PKIB: variants seen among roughly 807,000 people sequenced by gnomAD.
PKIB encodes cAMP-dependent protein kinase inhibitor beta, also known as PKI-beta.
PKIB carries 2 observed loss-of-function variants against 4.5 expected under a neutral mutation model. That is an observed-to-expected ratio of 0.44 (90% CI 0.18 to 1.39). PKIB has a LOEUF of 1.39. Among genes scored for constraint, PKIB ranks in the 40% most tolerant of loss-of-function variants. The pLI, the probability that PKIB is intolerant of heterozygous loss-of-function variation, is 0.27. For missense variants in PKIB, 94 were observed against 92.6 expected, an observed-to-expected ratio of 1.02 and a Z score of -0.06; for synonymous variants, 38 against 36.0, an observed-to-expected ratio of 1.06 and a Z score of -0.20.
At position 122,564,632 on chromosome 6, in the gene PKIB, G is replaced by T. The variant is rs1397821064; in HGVS notation, c.-247-21289G>T. 2.6e-5 allele frequency among the ~76,000 whole-genome samples: 4 copies of T among 152,174 alleles called. No individual in the cohort carries two copies. The East Asian group carries it at 7.7e-4, about 29-fold the overall frequency. On this transcript the variant is annotated intron_variant, in intron 2 of 6. Coordinates refer to the PKIB transcript ENST00000392491. ...ATAAACAGTGGTTTTACTCATCAGA[G>T]TTTGCAAATTCTTTCTGCATGGAAG... is the stretch of plus-strand genomic sequence containing the variant.
At chr6:122,702,208 T>C (rs1778842446) in intron 3 of PKIB, among the ~76,000 whole-genome samples, 1 of 151,438 alleles carries the variant, frequency 6.6e-6, no homozygotes, top group Non-Finnish European at 1.5e-5. Context: ...ACAAAAGTCA[T>C]GCTGAGAATA....
chr6:122,558,152 G>C (rs1772901824), intron 2 of PKIB, among the ~76,000 whole-genome samples: 2 of 152,158 alleles, frequency 1.3e-5, no homozygotes, highest in Admixed American at 1.3e-4. Context: ...TGTATTTGTA[G>C]GGTTTAGTCA....
At chr6:122,663,302 G>T (rs924836017) in intron 2 of PKIB, among the ~76,000 whole-genome samples, 5 of 152,114 alleles carry the variant, frequency 3.3e-5, no homozygotes, top group African/African-American at 1.2e-4. Flanking sequence ...ATTTAAAAAA[G>T]ATGAATCCGA....
At chr6:122,654,359 C>T (rs745957975) in intron 2 of PKIB, among the ~76,000 whole-genome samples, 2 of 152,146 alleles carry the variant, frequency 1.3e-5, no homozygotes, top group Non-Finnish European at 2.9e-5. Context: ...TTGCTGCCAA[C>T]CCTCCATTTC....
intron 2 of PKIB, among the ~76,000 whole-genome samples, chr6:122,637,492 C>T (rs1412515027): frequency 6.6e-6 from 1 of 152,130 alleles, no homozygotes; most frequent in Non-Finnish European, 1.5e-5. Flanking sequence ...TGCGGTGGCT[C>T]ATGCCTGTAA....
At chr6:122,593,203 G>T (rs2114727688) in intron 3 of PKIB, among the ~76,000 whole-genome samples, 1 of 152,260 alleles carries the variant, frequency 6.6e-6, no homozygotes, top group Non-Finnish European at 1.5e-5. Flanking sequence ...AGAAAATAGA[G>T]AATTTCTTTA....
intron 2 of PKIB, among the ~76,000 whole-genome samples, chr6:122,487,602 T>A (rs1034905669): frequency 2.6e-5 from 4 of 152,190 alleles, no homozygotes; most frequent in Admixed American, 1.3e-4. Flanking sequence ...TGTTTTGTTG[T>A]GTTTTGAGAC....
chr6:122,594,750 G>A lies in PKIB; in HGVS notation c.-161+8743G>A, dbSNP rs939268430. ...CATTCCTGAAGGGTCTGGACCATTT[G>A]TAGTCCTGCCTGGATTGGGCTGTTG... On this transcript the variant is annotated intron_variant, in intron 3 of 6. Coordinates refer to the PKIB transcript ENST00000392491. Among the ~76,000 whole-genome samples, 4 of 152,100 alleles carry A rather than the reference G, an allele frequency of 2.6e-5. No homozygotes were observed. The East Asian group carries it at 7.7e-4, about 29-fold the overall frequency.
intron 2 of PKIB, among the ~76,000 whole-genome samples, chr6:122,516,718 G>A (rs760071804): frequency 3.3e-5 from 5 of 152,118 alleles, no homozygotes; most frequent in Admixed American, 6.5e-5. Context: ...GGACAGATGA[G>A]TATTAGAAAG....
intron 4 of PKIB, among the ~76,000 whole-genome samples, chr6:122,719,984 G>A (rs1779672480): frequency 6.6e-6 from 1 of 152,196 alleles, no homozygotes; most frequent in South Asian, 2.1e-4. Flanking sequence ...CAAGTAAGCA[G>A]TTTGAAGGCT....
chr6:122,603,759 G>A (rs1213646546), intron 3 of PKIB, among the ~76,000 whole-genome samples: 1 of 152,216 alleles, frequency 6.6e-6, no homozygotes, highest in Non-Finnish European at 1.5e-5. Context: ...GGGATTACAG[G>A]CATGAACGAC....
chr6:122,601,079 G>A (rs1375790738), intron 3 of PKIB, among the ~76,000 whole-genome samples: 1 of 150,902 alleles, frequency 6.6e-6, no homozygotes, highest in Non-Finnish European at 1.5e-5. Context: ...AAAAATCAGT[G>A]AACTGTAAGG....
Position 122,495,591 on chromosome 6 carries a change from C to T in PKIB, c.-248+17652C>T, listed in dbSNP as rs74451995. ...CTATCTAGTGGGCCACCTGGGGCCT[C>T]GGAACTGGGGAAACTACCTACCCCA... On this transcript the variant is annotated intron_variant, in intron 2 of 6. Transcript: ENST00000392491. Among the ~76,000 whole-genome samples the T allele has an allele frequency of 5.0e-3, 765 of 152,140 alleles. 7 individuals carry two copies. The highest frequency in any genetic ancestry group is 0.017 in the African/African-American group (708 of 41,494).
At chr6:122,697,256 G>A (rs1778614754) in intron 3 of PKIB, among the ~76,000 whole-genome samples, 1 of 152,050 alleles carries the variant, frequency 6.6e-6, no homozygotes, top group Non-Finnish European at 1.5e-5. Flanking sequence ...AAGGATGGTG[G>A]TCTGTCTAGG....
At chr6:122,538,318 C>G (rs1330292348) in intron 2 of PKIB, among the ~76,000 whole-genome samples, 5 of 152,044 alleles carry the variant, frequency 3.3e-5, no homozygotes, top group Non-Finnish European at 7.3e-5. Context: ...TTAGATCTAA[C>G]ATGTAAGTCT....
chr6:122,497,406 C>T (rs79342417), intron 2 of PKIB, among the ~76,000 whole-genome samples: 1 of 152,104 alleles, frequency 6.6e-6, no homozygotes, highest in Non-Finnish European at 1.5e-5. Flanking sequence ...GGTATTCACA[C>T]CCTACTTAGA....
intron 2 of PKIB, among the ~76,000 whole-genome samples, chr6:122,552,363 T>C (rs953013353): frequency 2.0e-5 from 3 of 151,480 alleles, no homozygotes; most frequent in Non-Finnish European, 2.9e-5. Flanking sequence ...GGCAGTTTTG[T>C]TGTTGTTTTG....
chr6:122,588,642 C>T (rs553292206), intron 3 of PKIB, among the ~76,000 whole-genome samples: 36 of 152,170 alleles, frequency 2.4e-4, no homozygotes, highest in Middle Eastern at 3.4e-3. Flanking sequence ...TTGCAGCCTT[C>T]GTGTATTTGT....
chr6:122,632,448 C>T lies in PKIB; in HGVS notation c.-160-835C>T, dbSNP rs149652873. On this transcript the variant is annotated intron_variant, in intron 1 of 4. Transcript: ENST00000368452. ...TATGTAGACTGCCTGAGTGAAAGGG[C>T]GTCTGGTTAACCCAGTGATCAGCTG... 3.3e-4 allele frequency among the ~76,000 whole-genome samples: 50 copies of T among 152,240 alleles called. 1 individual carries two copies. The East Asian group carries it at 8.7e-3, about 26-fold the overall frequency.
Sources: allele counts gnomAD v4.1 joint callset (sites outside exome capture counted in the v4.1 genomes callset), GRCh38; gene constraint gnomAD v4.1.1; transcripts MANE v1.5; gene names NCBI Gene and HGNC (gene_info 2026-07-23, HGNC 2026-07-21).